The following MIS18A variants were observed in gnomAD, a reference collection of about 807,000 sequenced individuals.
MIS18A encodes the protein MIS18 kinetochore protein A, also known as protein Mis18-alpha.
In MIS18A, 14 loss-of-function variants were observed where a neutral mutation model predicts 25.0. That is an observed-to-expected ratio of 0.56 (90% CI 0.37 to 0.88). The LOEUF (loss-of-function observed/expected upper bound fraction) is 0.88. Ranked by LOEUF, MIS18A falls within the 40% of genes least tolerant of loss-of-function variation. MIS18A has a pLI of 0.00. For missense variants in MIS18A, 292 were observed against 290.8 expected, an observed-to-expected ratio of 1.00 and a Z score of -0.03; for synonymous variants, 134 against 118.6, an observed-to-expected ratio of 1.13 and a Z score of -0.84.
chr21:32,160,966 A>G, the MIS18A span, among the ~76,000 whole-genome samples: 1 of 152,180 alleles, frequency 6.6e-6, no homozygotes, highest in East Asian at 1.9e-4. Context: ...TAGCCTCTCC[A>G]AAAGAGGCAA....
At chr21:32,190,207 T>C in the MIS18A span, among the ~76,000 whole-genome samples, 1 of 109,538 alleles carries the variant, frequency 9.1e-6, no homozygotes, top group Non-Finnish European at 2.1e-5. Flanking sequence ...CATCTCACTG[T>C]CTCTCTCTCT....
chr21:32,273,203 TACACCAC>T (rs561760063), intron 2 of MIS18A, among the ~76,000 whole-genome samples: 188 of 151,686 alleles, frequency 1.2e-3, no homozygotes, highest in African/African-American at 4.4e-3. Context: ...CCTTTCTAGG[TACACCAC>T]CCTCCCGGCA....
At chr21:32,207,280 A>G in the MIS18A span, among the ~76,000 whole-genome samples, 19,047 of 152,230 alleles carry the variant, frequency 0.13, 1,454 homozygotes, top group African/African-American at 0.2. Context: ...AAAGATAATG[A>G]TAAATACCAA....
chr21:32,171,180 G>T, the MIS18A span, among the ~76,000 whole-genome samples: 1 of 151,940 alleles, frequency 6.6e-6, no homozygotes. Context: ...AGATTGAAAA[G>T]GAAGAATTAA....
the MIS18A span, among the ~76,000 whole-genome samples, chr21:32,173,510 AT>A: frequency 6.6e-6 from 1 of 152,238 alleles, no homozygotes; most frequent in Non-Finnish European, 1.5e-5. Context: ...TCCTAGCAAC[AT>A]TTTTTATAAT....
At chr21:32,276,507 T>TA (rs2123471667) in intron 1 of MIS18A, among the ~76,000 whole-genome samples, 1 of 133,636 alleles carries the variant, frequency 7.5e-6, no homozygotes, top group South Asian at 2.6e-4. Context: ...TTCTAGCACA[T>TA]AAACTTGAAA....
At chr21:32,168,200 G>C in the MIS18A span, among the ~76,000 whole-genome samples, 1 of 152,220 alleles carries the variant, frequency 6.6e-6, no homozygotes, top group Non-Finnish European at 1.5e-5. Flanking sequence ...ACATTGGCTT[G>C]CATCTTGATC....
At chr21:32,188,996 C>G in the MIS18A span, among the ~76,000 whole-genome samples, 1 of 152,228 alleles carries the variant, frequency 6.6e-6, no homozygotes, top group Admixed American at 6.5e-5. Context: ...GAAATTTTCT[C>G]AAGGTTGTGT....
the MIS18A span, among the ~76,000 whole-genome samples, chr21:32,222,687 T>G: frequency 6.6e-6 from 1 of 151,962 alleles, no homozygotes; most frequent in Admixed American, 6.6e-5. Flanking sequence ...ATCCCAACAC[T>G]TTGGGAGGCC....
the MIS18A span, among the ~76,000 whole-genome samples, chr21:32,157,223 A>ATTTTTTTTTTTTTTTTTTTTTT: frequency 2.4e-4 from 17 of 72,310 alleles, 1 homozygote; most frequent in African/African-American, 2.7e-4. Context: ...TACCCGGCTA[A>ATTTTTTTTTTTTTTTTTTTTTT]TTTTTTTTTT....
At chr21:32,195,043 G>A in the MIS18A span, among the ~76,000 whole-genome samples, 1 of 152,082 alleles carries the variant, frequency 6.6e-6, no homozygotes, top group African/African-American at 2.4e-5. Context: ...ACCCATTTAA[G>A]AGTTTTAAAT....
At chr21:32,260,084 C>CTTTTTTTTTTTTTTTTTTTTTTTT in the MIS18A span, 197 of 116,828 alleles carry the variant, frequency 1.7e-3, 7 homozygotes, top group African/African-American at 2.8e-3. Flanking sequence ...TTTTTCTCAG[C>CTTTTTTTTTTTTTTTTTTTTTTTT]TTTTTTTTTT....
the MIS18A span, among the ~76,000 whole-genome samples, chr21:32,162,890 TA>T: frequency 6.6e-6 from 1 of 152,188 alleles, no homozygotes; most frequent in African/African-American, 2.4e-5. Context: ...ATCTTGCTAT[TA>T]AATGCATCTT....
intron 2 of MIS18A, 189 bp from the exon 3 acceptor site, chr21:32,270,718 G>A: frequency 2.1e-6 from 1 of 484,728 alleles, no homozygotes; most frequent in Non-Finnish European, 3.3e-6. Context: ...CAGCCACGAT[G>A]CCTTAAGTAT....
the MIS18A span, among the ~76,000 whole-genome samples, chr21:32,232,922 A>T: frequency 6.6e-6 from 1 of 152,190 alleles, no homozygotes; most frequent in Admixed American, 6.5e-5. Flanking sequence ...ACAGGGTATT[A>T]GAGTGAGCAG....
the MIS18A span, among the ~76,000 whole-genome samples, chr21:32,184,547 T>C: frequency 6.6e-6 from 1 of 152,138 alleles, no homozygotes; most frequent in East Asian, 1.9e-4. Context: ...CTTAATGGTT[T>C]CCAGTCTGCA....
At chr21:32,269,895 T>C (rs923619191) in intron 3 of MIS18A, 92 bp from the exon 4 acceptor site, 8 of 807,840 alleles carry the variant, frequency 9.9e-6, no homozygotes, top group Middle Eastern at 3.0e-4. Flanking sequence ...AAGGATCATC[T>C]GAGGCTAGGA....
At chr21:32,174,250 C>G in the MIS18A span, among the ~76,000 whole-genome samples, 1 of 151,926 alleles carries the variant, frequency 6.6e-6, no homozygotes, top group African/African-American at 2.4e-5. Context: ...AGCACCCAGC[C>G]TTTTTAAGTA....
At chr21:32,184,487 G>T in the MIS18A span, among the ~76,000 whole-genome samples, 2 of 152,132 alleles carry the variant, frequency 1.3e-5, no homozygotes, top group African/African-American at 4.8e-5. Flanking sequence ...CACAATCTCT[G>T]TTCTTACATG....
Sources: gnomAD v4.1 joint callset for allele counts (sites outside exome capture counted in the v4.1 genomes callset) on GRCh38, gnomAD v4.1.1 for gene constraint, MANE v1.5 for transcripts, NCBI Gene and HGNC (gene_info 2026-07-23, HGNC 2026-07-21) for gene names.